Variants in UNC79 observed in about 807,000 individuals in gnomAD.
The protein encoded by UNC79 is unc-79 subunit of NALCN channel complex.
A neutral mutation model predicts 283.1 loss-of-function variants in UNC79; 37 were observed. The observed-to-expected ratio is 0.13, with a 90% confidence interval of 0.10 to 0.17. UNC79 has a LOEUF of 0.17. Ranked by LOEUF, UNC79 falls within the 10% of genes least tolerant of loss-of-function variation. UNC79 has a pLI of 1.00. For synonymous variants in UNC79, 1,107 were observed against 1,200.2 expected, an observed-to-expected ratio of 0.92 and a Z score of 1.61; for missense variants, 2,272 against 3,211.1, an observed-to-expected ratio of 0.71 and a Z score of 7.07.
chr14:93,344,335 T>C (rs1238673049), intron 1 of UNC79, among the ~76,000 whole-genome samples: 2 of 152,170 alleles, frequency 1.3e-5, no homozygotes, highest in African/African-American at 4.8e-5. Flanking sequence ...GCAATAGAAA[T>C]GCAGCACCAC....
chr14:93,517,897 G>A (rs1407089502), intron 7 of UNC79, among the ~76,000 whole-genome samples: 1 of 114,546 alleles, frequency 8.7e-6, no homozygotes. Flanking sequence ...ATATGTATAT[G>A]TGAGTGTGTG....
intron 31 of UNC79, among the ~76,000 whole-genome samples, chr14:93,635,210 C>T (rs1238629219): frequency 6.6e-6 from 1 of 152,216 alleles, no homozygotes; most frequent in Non-Finnish European, 1.5e-5. Context: ...CTATTCTAAA[C>T]ATGATCACTC....
chr14:93,426,473 C>G (rs1020473342), upstream of UNC79, among the ~76,000 whole-genome samples: 3 of 149,944 alleles, frequency 2.0e-5, no homozygotes. Context: ...TATTTTTATC[C>G]TCTTCTTCTG....
At chr14:93,449,982 A>C (rs1336897082) in intron 1 of UNC79, among the ~76,000 whole-genome samples, 1 of 152,212 alleles carries the variant, frequency 6.6e-6, no homozygotes, top group East Asian at 1.9e-4. Flanking sequence ...CCTCTTTCAT[A>C]TCATGAAGAT....
intron 11 of UNC79, among the ~76,000 whole-genome samples, chr14:93,536,168 T>C (rs368176159): frequency 1.3e-5 from 2 of 152,194 alleles, no homozygotes; most frequent in East Asian, 1.9e-4. Context: ...TAGAGACTCA[T>C]GTAAAAAGTG....
intron 39 of UNC79, among the ~76,000 whole-genome samples, chr14:93,661,217 T>C (rs1050000375): frequency 1.3e-5 from 2 of 152,218 alleles, no homozygotes; most frequent in Non-Finnish European, 2.9e-5. Context: ...AATGTGACTT[T>C]GTGGCCATTA....
At chr14:93,336,057 T>G (rs2053572596) in intron 1 of UNC79, among the ~76,000 whole-genome samples, 1 of 152,194 alleles carries the variant, frequency 6.6e-6, no homozygotes, top group Admixed American at 6.5e-5. Flanking sequence ...GTCACTCCAG[T>G]CTTTTCCTTC....
intron 38 of UNC79, among the ~76,000 whole-genome samples, chr14:93,656,458 A>G (rs1252836238): frequency 1.3e-5 from 2 of 152,036 alleles, no homozygotes; most frequent in Non-Finnish European, 2.9e-5. Context: ...TTAAAAAAAA[A>G]AAACATAGGC....
chr14:93,408,850 T>C (rs1281995408), intron 1 of UNC79, among the ~76,000 whole-genome samples: 3 of 152,240 alleles, frequency 2.0e-5, no homozygotes, highest in African/African-American at 7.2e-5. Context: ...CTCTGTACTA[T>C]CTGCCTAATA....
exon 4 of UNC79, chr14:93,477,610 T>C: frequency 1.9e-6 from 3 of 1,611,914 alleles, no homozygotes; most frequent in Non-Finnish European, 2.5e-6. Context: ...CTTTTCTCAA[T>C]GATGATATTC....
At chr14:93,353,072 T>C (rs2054011230) in intron 1 of UNC79, among the ~76,000 whole-genome samples, 1 of 152,246 alleles carries the variant, frequency 6.6e-6, no homozygotes. Context: ...TGAGCTTCCT[T>C]ATTCCACTGT....
intron 40 of UNC79, among the ~76,000 whole-genome samples, chr14:93,672,368 G>T (rs2072953365): frequency 1.3e-5 from 2 of 152,076 alleles, no homozygotes; most frequent in Non-Finnish European, 2.9e-5. Context: ...ATAGCAACAG[G>T]GATGGAATTG....
chr14:93,579,756 T>A (rs945133556), intron 18 of UNC79, among the ~76,000 whole-genome samples: 1 of 152,210 alleles, frequency 6.6e-6, no homozygotes, highest in African/African-American at 2.4e-5. Flanking sequence ...CAGCCATTTC[T>A]CCAAGGAGCC....
intron 1 of UNC79, among the ~76,000 whole-genome samples, chr14:93,358,241 G>A (rs1235355339): frequency 6.6e-6 from 1 of 151,974 alleles, no homozygotes; most frequent in African/African-American, 2.4e-5. Flanking sequence ...ACCCCTGAGA[G>A]GCAAGGAGTT....
intron 1 of UNC79, among the ~76,000 whole-genome samples, chr14:93,386,927 C>CTTTTTTTTTTTTTTTTTTTTTTTTTTT (rs35267402): frequency 7.4e-5 from 2 of 27,162 alleles, no homozygotes; most frequent in Non-Finnish European, 1.2e-4. Context: ...TGTATTTCTG[C>CTTTTTTTTTTTTTTTTTTTTTTTTTTT]TTTTTTTTTT....
At chr14:93,618,825 T>G (rs2066918212) in intron 29 of UNC79, among the ~76,000 whole-genome samples, 1 of 152,218 alleles carries the variant, frequency 6.6e-6, no homozygotes, top group Non-Finnish European at 1.5e-5. Context: ...GCAAGGGAAA[T>G]GAAACATTTT....
chr14:93,528,492 C>G, intron 8 of UNC79, 66 bp from the exon 9 acceptor site: 3 of 1,441,258 alleles, frequency 2.1e-6, no homozygotes, highest in Admixed American at 1.8e-5. Context: ...AGCATTTGTG[C>G]TTAGAATATA....
chr14:93,509,929 C>T (rs548537945), intron 7 of UNC79, among the ~76,000 whole-genome samples: 6 of 152,310 alleles, frequency 3.9e-5, no homozygotes, highest in South Asian at 4.1e-4. Flanking sequence ...TCTCCGTGAA[C>T]GCTCTATCCC....
intron 29 of UNC79, among the ~76,000 whole-genome samples, chr14:93,618,608 G>C (rs1458051883): frequency 6.6e-6 from 1 of 152,164 alleles, no homozygotes; most frequent in Non-Finnish European, 1.5e-5. Context: ...TCTGCTGTTT[G>C]AATCAGGAGC....
Sources: gnomAD v4.1 joint callset for allele counts (sites outside exome capture counted in the v4.1 genomes callset) on GRCh38, gnomAD v4.1.1 for gene constraint, MANE v1.5 for transcripts, NCBI Gene and HGNC (gene_info 2026-07-23, HGNC 2026-07-21) for gene names.